HDAC4: variants seen among roughly 807,000 people sequenced by gnomAD.
The protein encoded by HDAC4 is histone deacetylase A.
Under a neutral mutation model 135.1 loss-of-function variants are expected in HDAC4, and 16 were observed. That is an observed-to-expected ratio of 0.12 (90% CI 0.08 to 0.18). HDAC4 has a LOEUF of 0.18. Among genes scored for constraint, HDAC4 ranks in the 10% least tolerant of loss-of-function variants. HDAC4 has a pLI of 1.00. For synonymous variants in HDAC4, 685 were observed against 653.4 expected (o/e 1.05, Z -0.74); for missense variants, 1,143 against 1,511.8 (o/e 0.76, Z 4.05).
chr2:239,386,329 T>C (rs1695806075), intron 1 of HDAC4, among the ~76,000 whole-genome samples: 2 of 151,746 alleles, frequency 1.3e-5, no homozygotes, highest in South Asian at 4.2e-4. Flanking sequence ...CGAAAATGGG[T>C]GGCACTGGAG....
At chr2:239,354,394 G>A (rs976496019) in intron 1 of HDAC4, among the ~76,000 whole-genome samples, 2 of 151,944 alleles carry the variant, frequency 1.3e-5, no homozygotes, top group African/African-American at 4.8e-5. Flanking sequence ...TCCAAGGCCT[G>A]CCTCTTCAAT....
At chr2:239,190,181 G>C (rs113042372) in intron 3 of HDAC4, 104 bp from the exon 4 acceptor site, 47 of 1,431,316 alleles carry the variant, frequency 3.3e-5, no homozygotes, top group East Asian at 1.5e-4. Context: ...GGGCGGGGGG[G>C]GGGTTGTGAC....
chr2:239,386,056 C>T (rs939524021), intron 1 of HDAC4, among the ~76,000 whole-genome samples: 8 of 152,084 alleles, frequency 5.3e-5, no homozygotes, highest in East Asian at 1.9e-4. Context: ...CTGGAAGACC[C>T]GGCAGGCAAG....
intron 3 of HDAC4, among the ~76,000 whole-genome samples, chr2:239,208,733 G>A (rs929166748): frequency 2.6e-5 from 4 of 151,270 alleles, no homozygotes; most frequent in South Asian, 2.1e-4. Flanking sequence ...TGTTAGATAA[G>A]ATCAACATAG....
chr2:239,376,539 A>G (rs1296285997), intron 1 of HDAC4, among the ~76,000 whole-genome samples: 1 of 152,248 alleles, frequency 6.6e-6, no homozygotes, highest in Admixed American at 6.5e-5. Context: ...GCCCGAAGGC[A>G]CGTGTCTACT....
chr2:239,085,294 A>T (rs1354450091), intron 19 of HDAC4, among the ~76,000 whole-genome samples: 1 of 152,192 alleles, frequency 6.6e-6, no homozygotes, highest in Admixed American at 6.5e-5. Context: ...AGAGACCAAG[A>T]AAACAAGCTA....
chr2:239,355,550 T>G (rs1043691308), intron 1 of HDAC4, among the ~76,000 whole-genome samples: 1 of 152,260 alleles, frequency 6.6e-6, no homozygotes, highest in African/African-American at 2.4e-5. Flanking sequence ...TGCTTCTCTT[T>G]GTTGAGCCAG....
intron 1 of HDAC4, among the ~76,000 whole-genome samples, chr2:239,363,923 T>C (rs1422192648): frequency 6.6e-6 from 1 of 152,044 alleles, no homozygotes; most frequent in Non-Finnish European, 1.5e-5. Context: ...CATCAACAGG[T>C]ACTTTACAAG....
At chr2:239,183,197 C>T (rs368267626) in intron 4 of HDAC4, among the ~76,000 whole-genome samples, 6 of 152,356 alleles carry the variant, frequency 3.9e-5, no homozygotes, top group South Asian at 4.1e-4. Flanking sequence ...TTACGTTAAG[C>T]GTACACTGAA....
chr2:239,187,513 C>T (rs753644358), intron 4 of HDAC4, among the ~76,000 whole-genome samples: 20 of 152,328 alleles, frequency 1.3e-4, no homozygotes, highest in East Asian at 3.9e-4. Context: ...CCCGGACCCG[C>T]GCCTTCTGCC....
At chr2:239,097,075 C>G (rs372326235) in intron 16 of HDAC4, among the ~76,000 whole-genome samples, 1 of 152,330 alleles carries the variant, frequency 6.6e-6, no homozygotes, top group South Asian at 2.1e-4. Flanking sequence ...AGCTGAGGGG[C>G]GCAGGCGCCA....
chr2:239,297,952 C>T (rs184450520), intron 2 of HDAC4, among the ~76,000 whole-genome samples: 7 of 152,228 alleles, frequency 4.6e-5, no homozygotes, highest in South Asian at 2.1e-4. Flanking sequence ...TCATTATTCC[C>T]GGTGCCGCGG....
At chr2:239,213,637 T>C (rs1357384160) in intron 3 of HDAC4, among the ~76,000 whole-genome samples, 1 of 152,160 alleles carries the variant, frequency 6.6e-6, no homozygotes, top group Non-Finnish European at 1.5e-5. Context: ...GCAACAAAAC[T>C]CCTGATGTGC....
At position 239,115,078 on chromosome 2, in the gene HDAC4, C is replaced by A. The variant is rs1188736126; in HGVS notation, c.1766G>T (p.Ser589Ile). The part of the protein sequence containing the change: ...REVEPGQRQP[S>I]EQELLFRQQA... Reference sequence around the variant, plus strand: ...CTGTCTGAAGAGCAGCTCCTGCTCACTGGGCTGGCGCTGGCCCGGCTCCAC... The same window carrying A: ...CTGTCTGAAGAGCAGCTCCTGCTCAATGGGCTGGCGCTGGCCCGGCTCCAC... The change falls in exon 13 of 27, where the codon AGT becomes ATT. Residue 589 changes from serine (S) to isoleucine (I), a missense_variant. This residue lies in a region of HDAC4 where 196 missense variants were observed against 210.7 expected (regional missense o/e 0.93). Coordinates refer to ENST00000543185, the MANE Select transcript of HDAC4 (RefSeq NM_001378414.1). The surrounding 1 kb of genome is among the most constrained non-coding windows in gnomAD (Gnocchi z 6.3). The A allele has an allele frequency of 1.2e-6, 2 of 1,611,322 alleles. No individual in the cohort carries two copies. The highest frequency in any genetic ancestry group is 1.3e-5 in the African/African-American group (1 of 74,954).
intron 2 of HDAC4, among the ~76,000 whole-genome samples, chr2:239,317,761 C>T (rs988983959): frequency 6.6e-6 from 1 of 152,108 alleles, no homozygotes; most frequent in East Asian, 1.9e-4. Flanking sequence ...TCTTGGAAAC[C>T]GCAACTTTAA....
rs2152899933 is a variant in HDAC4, at chr2:239,139,618, T to C, written c.978+66A>G. 2 of 1,429,382 alleles carry C rather than the reference T, an allele frequency of 1.4e-6. No individual in the cohort carries two copies. Among genetic ancestry groups the C allele is most frequent in the East Asian group, 2.3e-5 (1 of 44,030 alleles). 88.5% of individuals were successfully genotyped at this position (1,429,382 alleles called of 1,614,324 possible). ...GAAGGGCAAGTGCAAAGTGGGGTCA[T>C]TTCAAGCTCATCCGTCCCGAGTCCG... On this transcript the variant is annotated intron_variant, in intron 9 of 26. Coordinates refer to ENST00000543185, the MANE Select transcript of HDAC4 (RefSeq NM_001378414.1). This position sits in a 1 kb window ranked among gnomAD's most constrained non-coding sequence, Gnocchi z 5.3.
chr2:239,206,041 G>A (rs1295077494), intron 3 of HDAC4, among the ~76,000 whole-genome samples: 2 of 152,206 alleles, frequency 1.3e-5, no homozygotes, highest in African/African-American at 4.8e-5. Flanking sequence ...AACGAATATG[G>A]CTGTTAGTTA....
At position 239,066,709 on chromosome 2, in the gene HDAC4, G is replaced by A; in HGVS notation, c.3003+13C>T. ...GTGTGGAGCATCCTGTGGGGTCTCT[G>A]GGGTCTTCCTACCTCGTTTCCCAGC... On this transcript the variant is annotated intron_variant, in intron 24 of 26. Transcript: ENST00000543185. The A allele has an allele frequency of 3.1e-6, 5 of 1,613,528 alleles. No homozygotes were observed. Among genetic ancestry groups the A allele is most frequent in the Non-Finnish European group, 4.2e-6 (5 of 1,180,014 alleles).
intron 24 of HDAC4, among the ~76,000 whole-genome samples, chr2:239,061,610 G>A (rs2032752379): frequency 6.6e-6 from 1 of 152,166 alleles, no homozygotes; most frequent in Non-Finnish European, 1.5e-5. Context: ...CAAGAGGGTG[G>A]CCATGTGGGG....
Sources: allele counts gnomAD v4.1 joint callset (sites outside exome capture counted in the v4.1 genomes callset), GRCh38; gene constraint gnomAD v4.1.1; regional missense constraint gnomAD v4.1.1; non-coding constraint Gnocchi (gnomAD v3.1); transcripts MANE v1.5; gene names NCBI Gene and HGNC (gene_info 2026-07-23, HGNC 2026-07-21).